PDLIM5: variants seen among roughly 807,000 people sequenced by gnomAD.
The protein encoded by PDLIM5 is PDZ and LIM domain 5.
In PDLIM5, 34 loss-of-function variants were observed where a neutral mutation model predicts 64.2. The observed-to-expected ratio is 0.53, with a 90% CI of 0.40 to 0.71. The LOEUF is 0.71. Ranked by LOEUF, PDLIM5 falls within the 30% of genes least tolerant of loss-of-function variation. The probability of loss-of-function intolerance (pLI) is 0.00; values close to 1 mark genes in which losing one functional copy is unlikely to be tolerated. For missense variants in PDLIM5, 683 were observed against 733.6 expected (o/e 0.93, Z 0.80); for synonymous variants, 253 against 269.1 (o/e 0.94, Z 0.59).
At chr4:94,588,388 AC>A (rs1334573980) in intron 7 of PDLIM5, among the ~76,000 whole-genome samples, 1 of 151,990 alleles carries the variant, frequency 6.6e-6, no homozygotes, top group Non-Finnish European at 1.5e-5. Context: ...ACATGGAGAA[AC>A]CCCATCTCTA....
chr4:94,651,949 A>G (rs1163500605), intron 9 of PDLIM5, among the ~76,000 whole-genome samples: 5 of 152,192 alleles, frequency 3.3e-5, no homozygotes, highest in Admixed American at 2.6e-4. Context: ...AGCAGGCCCA[A>G]TATGCTGTGA....
chr4:94,588,746 C>G (rs1736447641), intron 7 of PDLIM5, among the ~76,000 whole-genome samples: 4 of 152,070 alleles, frequency 2.6e-5, no homozygotes. Context: ...AGGACCTTGC[C>G]TACATTCAAG....
chr4:94,654,641 G>A lies in PDLIM5; in HGVS notation c.1464+1G>A. On this transcript the variant is annotated splice_donor_variant, in intron 10 of 12. Coordinates refer to ENST00000317968, the MANE Select transcript of PDLIM5 (RefSeq NM_006457.5). LOFTEE classifies it high-confidence loss of function. ...TCGATGCCAAAGGAAGATCCTTGGA[G>A]TAAGTATTGGAAACGTTTTTATTCT... The A allele has an allele frequency of 6.3e-7, 1 of 1,590,062 alleles. No homozygotes were observed. Among genetic ancestry groups the A allele is most frequent in the South Asian group, 1.1e-5 (1 of 89,624 alleles).
rs186393406 is a variant in PDLIM5, at chr4:94,588,550, C to T, written c.920+2106C>T. On this transcript the variant is annotated intron_variant, in intron 7 of 12. Transcript: ENST00000317968. ...TGCATTCCAGCCTGGGCAACAAGAG[C>T]GAAACTCCATCTCTAAATAAATAAA... Among the ~76,000 whole-genome samples the T allele has an allele frequency of 8.5e-3, 1,259 of 148,890 alleles. 25 individuals carry two copies. The highest frequency in any genetic ancestry group is 0.029 in the African/African-American group (1,179 of 40,398).
intron 2 of PDLIM5, among the ~76,000 whole-genome samples, chr4:94,462,877 G>T (rs1186983966): frequency 6.6e-6 from 1 of 152,124 alleles, no homozygotes; most frequent in Non-Finnish European, 1.5e-5. Context: ...ACAGGGCTCA[G>T]TCACAAGTAT....
rs146555176 is a variant in PDLIM5, at chr4:94,558,936, A to AT, written c.249-14406dup. Among the ~76,000 whole-genome samples the AT allele has an allele frequency of 5.6e-3, 847 of 151,180 alleles. 9 individuals carry two copies. The highest frequency in any genetic ancestry group is 0.019 in the African/African-American group (802 of 41,272). On this transcript the variant is annotated intron_variant, in intron 3 of 12. Coordinates refer to ENST00000317968, the MANE Select transcript of PDLIM5 (RefSeq NM_006457.5). ...GTTACCTTTAAAAGTAGTTATGATA[A>AT]TTTTTTTTTGTCTAAAGCATTTCAG... is the stretch of plus-strand genomic sequence containing the variant.
intron 8 of PDLIM5, among the ~76,000 whole-genome samples, chr4:94,634,333 G>A (rs756747000): frequency 1.4e-4 from 22 of 152,124 alleles, no homozygotes; most frequent in Admixed American, 2.6e-4. Context: ...ATTATGTGAT[G>A]TGTTTTTTGT....
intron 7 of PDLIM5, among the ~76,000 whole-genome samples, chr4:94,593,931 T>C (rs935292497): frequency 3.3e-5 from 5 of 152,208 alleles, no homozygotes; most frequent in African/African-American, 1.2e-4. Context: ...GTAAAAGTTC[T>C]TTGAATGTGA....
intron 2 of PDLIM5, among the ~76,000 whole-genome samples, chr4:94,481,768 C>G (rs1227597015): frequency 1.3e-5 from 2 of 150,634 alleles, no homozygotes; most frequent in African/African-American, 4.9e-5. Flanking sequence ...GCCACCACAC[C>G]TGGCTAATTT....
chr4:94,459,509 GAGA>G (rs1242300106), intron 2 of PDLIM5, among the ~76,000 whole-genome samples: 3 of 152,214 alleles, frequency 2.0e-5, no homozygotes, highest in Non-Finnish European at 4.4e-5. Context: ...ACACAGAACA[GAGA>G]AGGACAGAAT....
At chr4:94,608,931 A>G (rs930249150) in intron 7 of PDLIM5, among the ~76,000 whole-genome samples, 2 of 152,220 alleles carry the variant, frequency 1.3e-5, no homozygotes, top group Admixed American at 6.5e-5. Context: ...AGTTGTTAAA[A>G]CTTAGCCATA....
chr4:94,485,693 A>C (rs973210299), intron 2 of PDLIM5, among the ~76,000 whole-genome samples: 16 of 151,256 alleles, frequency 1.1e-4, no homozygotes, highest in Non-Finnish European at 2.2e-4. Context: ...AAAAAACCCC[A>C]AAAACCACTA....
intron 11 of PDLIM5, among the ~76,000 whole-genome samples, 193 bp from the exon 12 acceptor site, chr4:94,662,229 C>G (rs1742790099): frequency 1.5e-5 from 2 of 129,654 alleles, no homozygotes; most frequent in Non-Finnish European, 3.5e-5. Flanking sequence ...ATATTTATAC[C>G]AAGGGAATCC....
intron 11 of PDLIM5, among the ~76,000 whole-genome samples, chr4:94,660,933 A>T (rs1742652857): frequency 6.8e-6 from 1 of 147,604 alleles, no homozygotes; most frequent in Non-Finnish European, 1.5e-5. Context: ...AAATAAAAAA[A>T]ATAGCCAGGT....
At chr4:94,567,148 A>T (rs534356367) in intron 3 of PDLIM5, among the ~76,000 whole-genome samples, 2 of 152,178 alleles carry the variant, frequency 1.3e-5, no homozygotes, top group East Asian at 3.9e-4. Context: ...GCCCGCCACC[A>T]CACCTGGCTA....
chr4:94,559,926 T>G (rs2110236080), intron 3 of PDLIM5, among the ~76,000 whole-genome samples: 1 of 152,342 alleles, frequency 6.6e-6, no homozygotes, highest in South Asian at 2.1e-4. Context: ...ACTTAATAGT[T>G]GGAAGCACTT....
intron 8 of PDLIM5, among the ~76,000 whole-genome samples, chr4:94,618,864 G>A (rs948943032): frequency 3.3e-5 from 5 of 152,110 alleles, no homozygotes; most frequent in South Asian, 2.1e-4. Context: ...GTAAAAAAAA[G>A]TACCCCTTTT....
At chr4:94,544,568 C>T (rs756947538) in intron 3 of PDLIM5, among the ~76,000 whole-genome samples, 9 of 152,122 alleles carry the variant, frequency 5.9e-5, no homozygotes, top group Non-Finnish European at 7.4e-5. Context: ...CTAGGAGCTG[C>T]GCATCTCCAC....
In PDLIM5 at chr4:94,455,294, C is replaced by G; in HGVS notation, c.6C>G (p.Ser2Arg). 1 of 1,605,550 alleles carries G rather than the reference C, an allele frequency of 6.2e-7. No individual in the cohort carries two copies. Among genetic ancestry groups the G allele is most frequent in the Non-Finnish European group, 8.5e-7 (1 of 1,172,220 alleles). Residue 2 changes from serine (S) to arginine (R), a missense_variant, in exon 2 of 13, where the codon AGC becomes AGG. Ser to Arg is a moderately radical substitution (Grantham distance 110). Transcript: ENST00000317968. Reference sequence around the variant, plus strand: ...GACTTTGAGCCATTAGAACCATGAGCAACTACAGTGTGTCACTGGTTGGCC... The same window carrying G: ...GACTTTGAGCCATTAGAACCATGAGGAACTACAGTGTGTCACTGGTTGGCC... M[S>R]NYSVSLVGPA...
Sources: gnomAD v4.1 joint callset for allele counts (sites outside exome capture counted in the v4.1 genomes callset) on GRCh38, gnomAD v4.1.1 for gene constraint, MANE v1.5 for transcripts, NCBI Gene and HGNC (gene_info 2026-07-23, HGNC 2026-07-21) for gene names.